The following COL27A1 variants were observed in gnomAD, a reference collection of about 807,000 sequenced individuals.
The protein encoded by COL27A1 is collagen type XXVII alpha 1 chain.
COL27A1 carries 106 observed loss-of-function variants against 251.3 expected under a neutral mutation model. The observed-to-expected ratio is 0.42, with a 90% CI of 0.36 to 0.50. The LOEUF is 0.50. Ranked by LOEUF, COL27A1 falls within the 20% of genes least tolerant of loss-of-function variation. COL27A1 has a pLI of 0.00. For synonymous variants in COL27A1, 1,000 were observed against 986.3 expected, an observed-to-expected ratio of 1.01 and a Z score of -0.26; for missense variants, 2,325 against 2,522.8, an observed-to-expected ratio of 0.92 and a Z score of 1.68.
Position 114,240,506 on chromosome 9 carries a change from C to T in COL27A1, c.2835+19C>T. The T allele has an allele frequency of 3.7e-6, 6 of 1,603,722 alleles. No homozygotes were observed. Among genetic ancestry groups the T allele is most frequent in the Non-Finnish European group, 5.1e-6 (6 of 1,177,880 alleles). On this transcript the variant is annotated intron_variant, in intron 21 of 60. Coordinates refer to ENST00000356083, the MANE Select transcript of COL27A1 (RefSeq NM_032888.4). ...GCCCGAGGTGAGACTGTCTGGCCCC[C>T]TCCACTGCCCATCCTGGCCTGATTG...
chr9:114,284,547 G>A (rs1157383369), intron 40 of COL27A1, among the ~76,000 whole-genome samples, 177 bp from the exon 41 acceptor site: 1 of 152,212 alleles, frequency 6.6e-6, no homozygotes, highest in Admixed American at 6.5e-5. Flanking sequence ...TCTGGGACCA[G>A]CACGGCACAT....
At chr9:114,160,792 A>AGTGT (rs1275304134) in intron 1 of COL27A1, among the ~76,000 whole-genome samples, 2 of 152,132 alleles carry the variant, frequency 1.3e-5, no homozygotes, top group Non-Finnish European at 2.9e-5. Flanking sequence ...GACCTGCTGT[A>AGTGT]GTGTGGCATG....
rs145747897 is a variant in COL27A1 at position 114,165,120 on chromosome 9, G to A, written c.133+2335G>A. Among the ~76,000 whole-genome samples the A allele has an allele frequency of 2.5e-3, 376 of 152,316 alleles. 6 individuals are homozygous for A. Among genetic ancestry groups the A allele is most frequent in the Non-Finnish European group, 6.0e-4 (41 of 68,030 alleles). ...TTCATCCTCCTAACAACCCTATGGT[G>A]TAGGCGCACTTTATAGCCCTGTTTT... is the stretch of plus-strand genomic sequence containing the variant. On this transcript the variant is annotated intron_variant, in intron 2 of 60. Transcript: ENST00000356083.
At position 114,171,892 on chromosome 9, in the gene COL27A1, A is replaced by G. The variant is rs1489235374; in HGVS notation, c.1908+2429A>G. ...CTGTGTGTGTTCATCCCTGCCCCAC[A>G]GATGATCCAAGAGGGGTTGGAAAGA... On this transcript the variant is annotated intron_variant, in intron 3 of 60. Transcript: ENST00000356083. 5.3e-5 allele frequency among the ~76,000 whole-genome samples: 8 copies of G among 152,322 alleles called. No individual in the cohort carries two copies. The South Asian group carries it at 6.2e-4, about 12-fold the overall frequency.
At chr9:114,289,689 C>T (rs542251949) in intron 45 of COL27A1, among the ~76,000 whole-genome samples, 1 of 152,184 alleles carries the variant, frequency 6.6e-6, no homozygotes, top group Admixed American at 6.5e-5. Flanking sequence ...CCCTGCCTTC[C>T]CCCAGCCCCC....
At chr9:114,246,074 C>T (rs928692185) in intron 24 of COL27A1, 164 bp downstream of exon 24, 19 of 583,460 alleles carry the variant, frequency 3.3e-5, no homozygotes, top group Non-Finnish European at 5.4e-5. Context: ...GGACGGTGAC[C>T]CTCAGAACGG....
chr9:114,301,504 G>A, intron 54 of COL27A1, 42 bp downstream of exon 54: 1 of 1,591,546 alleles, frequency 6.3e-7, no homozygotes, highest in Non-Finnish European at 8.6e-7. Context: ...GGGGCGTGGG[G>A]CGGGCACCCT....
chr9:114,243,527 GTT>G lies in COL27A1; in HGVS notation c.2903_2904del (p.Phe968SerfsTer45). On this transcript the variant is annotated frameshift_variant, in exon 23 of 61. Transcript: ENST00000356083. LOFTEE classifies it high-confidence loss of function. ...GLEGQPGRKG[F>X]PGRPGLDGVK... ...TGCAGGGTCAGCCTGGCAGGAAGGGGTTTCCTGGGAGGCCCGGCCTGGATGGC... is the reference window on the plus strand; with the variant it reads ...TGCAGGGTCAGCCTGGCAGGAAGGGGTCCTGGGAGGCCCGGCCTGGATGGC... The G allele has an allele frequency of 6.2e-7, 1 of 1,613,942 alleles. No homozygotes were observed.
chr9:114,161,140 C>T (rs1406390702), intron 1 of COL27A1, among the ~76,000 whole-genome samples: 2 of 150,832 alleles, frequency 1.3e-5, no homozygotes, highest in Non-Finnish European at 3.0e-5. Flanking sequence ...GCTATCCTCA[C>T]GTGCTCATGG....
chr9:114,292,236 TG>T, intron 49 of COL27A1, 26 bp downstream of exon 49: 4 of 1,513,970 alleles, frequency 2.6e-6, no homozygotes, highest in Non-Finnish European at 3.6e-6. Context: ...AGAATACACA[TG>T]CCCACGCACT....
At chr9:114,245,153 T>TTTG (rs1564517175) in intron 23 of COL27A1, among the ~76,000 whole-genome samples, 2 of 86,640 alleles carry the variant, frequency 2.3e-5, no homozygotes, top group African/African-American at 1.3e-4. Context: ...TTCTTGTTTT[T>TTTG]TTTTTTTTTT....
At chr9:114,301,343 G>A (rs1384083248) in intron 53 of COL27A1, 24 bp downstream of exon 53, 1 of 1,613,162 alleles carries the variant, frequency 6.2e-7, no homozygotes. Context: ...CTGGGGCTGA[G>A]GGATGCAGCA....
intron 7 of COL27A1, among the ~76,000 whole-genome samples, chr9:114,201,220 G>T (rs916460653): frequency 5.3e-5 from 8 of 152,186 alleles, no homozygotes; most frequent in African/African-American, 1.9e-4. Flanking sequence ...GGAGCTCCCC[G>T]AAACATTCCC....
intron 23 of COL27A1, among the ~76,000 whole-genome samples, chr9:114,244,571 G>A (rs996636819): frequency 6.6e-6 from 1 of 152,184 alleles, no homozygotes; most frequent in African/African-American, 2.4e-5. Context: ...TTAGGACAGA[G>A]CCAGGGGGAG....
chr9:114,199,252 T>A (rs1172908980), intron 7 of COL27A1, among the ~76,000 whole-genome samples: 1 of 152,126 alleles, frequency 6.6e-6, no homozygotes, highest in Non-Finnish European at 1.5e-5. Context: ...TACCTACAAC[T>A]GGGAGGGAGG....
intron 2 of COL27A1, 43 bp downstream of exon 2, chr9:114,162,828 C>A: frequency 3.4e-6 from 5 of 1,457,272 alleles, no homozygotes; most frequent in African/African-American, 1.4e-5. Context: ...CAAAGGAGAA[C>A]GGAAGGGGCC....
chr9:114,298,997 A>G (rs1217205154), intron 49 of COL27A1, among the ~76,000 whole-genome samples: 1 of 152,254 alleles, frequency 6.6e-6, no homozygotes, highest in African/African-American at 2.4e-5. Flanking sequence ...CAAAGGAGAT[A>G]CACAAATATC....
Position 114,300,651 on chromosome 9 carries a change from A to T in COL27A1, c.4665A>T (p.Lys1555Asn). The change falls in exon 51 of 61, where the codon AAA (lysine) becomes AAT (asparagine). Residue 1555 changes from lysine to asparagine, a missense_variant. By Grantham distance (94) the Lys-to-Asn change is moderately conservative. Around this residue, in one of 4 missense-constraint regions of COL27A1, gnomAD observed 327 missense variants for 442.8 expected, o/e 0.74. Coordinates refer to ENST00000356083, the MANE Select transcript of COL27A1 (RefSeq NM_032888.4). The stretch of plus-strand genomic sequence containing the variant: ...GCCCGCCTGGAGACATTGGCTTCAA[A>T]GGCATCCAGGGCCCTCGGGGGCCAC... The part of the protein sequence containing the change: ...PKGPPGDIGF[K>N]GIQGPRGPPG... 6.6e-7 allele frequency: 1 copy of T among 1,526,444 alleles called. No homozygotes were observed. Among genetic ancestry groups the T allele is most frequent in the East Asian group, 2.4e-5 (1 of 41,478 alleles). The allele number at this position is 1,526,444 out of a possible 1,614,324, so 94.6% of individuals were successfully genotyped here. A position where few individuals can be genotyped will look rare whatever the true frequency, so the allele number is the denominator to read the frequency against.
At chr9:114,306,969 G>T in intron 58 of COL27A1, 1 of 379,924 alleles carries the variant, frequency 2.6e-6, no homozygotes, top group Non-Finnish European at 4.8e-6. Context: ...ACAGGCTCCC[G>T]GGTGAGCCAG....
Sources: gnomAD v4.1 joint callset for allele counts (sites outside exome capture counted in the v4.1 genomes callset) on GRCh38, gnomAD v4.1.1 for gene constraint, gnomAD v4.1.1 regional missense constraint, MANE v1.5 for transcripts, NCBI Gene and HGNC (gene_info 2026-07-23, HGNC 2026-07-21) for gene names.